SPECC1L: variants seen among roughly 807,000 people sequenced by gnomAD.
SPECC1L encodes cytospin-A.
SPECC1L carries 40 observed loss-of-function variants against 116.8 expected under a neutral mutation model. That is an observed-to-expected ratio of 0.34 (90% confidence interval 0.27 to 0.45). The LOEUF (loss-of-function observed/expected upper bound fraction) is 0.45. SPECC1L is among the 20% of genes least tolerant of loss of function. The pLI is 1.00. For synonymous variants in SPECC1L, 504 were observed against 500.6 expected, an observed-to-expected ratio of 1.01 and a Z score of -0.09; for missense variants, 1,110 against 1,373.6, an observed-to-expected ratio of 0.81 and a Z score of 3.03.
intron 14 of SPECC1L, among the ~76,000 whole-genome samples, chr22:24,390,906 A>G (rs530100574): frequency 9.9e-4 from 48 of 48,728 alleles, no homozygotes; most frequent in African/African-American, 3.8e-3. Context: ...TTTGAGTCAG[A>G]GTCTCACTCT....
chr22:24,349,683 G>A (rs1177606090), intron 11 of SPECC1L, among the ~76,000 whole-genome samples: 1 of 152,112 alleles, frequency 6.6e-6, no homozygotes, highest in Non-Finnish European at 1.5e-5. Flanking sequence ...AAACCTTGGA[G>A]TCATCCTTAA....
intron 14 of SPECC1L, among the ~76,000 whole-genome samples, chr22:24,404,943 G>A (rs2042556796): frequency 6.6e-6 from 1 of 152,142 alleles, no homozygotes; most frequent in Admixed American, 6.5e-5. Context: ...CAGATTTTAG[G>A]GTGTCACTGT....
At chr22:24,271,232 G>A (rs1714817572) in intron 1 of SPECC1L, among the ~76,000 whole-genome samples, 1 of 152,260 alleles carries the variant, frequency 6.6e-6, no homozygotes, top group Non-Finnish European at 1.5e-5. Flanking sequence ...ACTGGCCTTC[G>A]TCCGTTGGTG....
intron 2 of SPECC1L, among the ~76,000 whole-genome samples, chr22:24,293,074 A>C (rs2049186569): frequency 6.6e-6 from 1 of 152,064 alleles, no homozygotes; most frequent in Non-Finnish European, 1.5e-5. Context: ...ATAGAGAAAA[A>C]AAATTAAGAA....
rs544299526 is a variant in SPECC1L at position 24,334,699 on chromosome 22, A to G, written c.2560+126A>G. On this transcript the variant is annotated intron_variant, in intron 9 of 16. Transcript: ENST00000314328. ...TCCCATTAACTTTCATATAGTATTA[A>G]TGCACTAGACTTAACAGAAGGTGAT... 3 of 1,022,388 alleles carry G rather than the reference A, an allele frequency of 2.9e-6. No individual in the cohort carries two copies. In the African/African-American group the frequency reaches 4.7e-5, roughly 16 times the overall value. The allele number at this position is 1,022,388 out of a possible 1,614,324, so 63.3% of individuals were successfully genotyped here.
intron 1 of SPECC1L, among the ~76,000 whole-genome samples, 192 bp from the exon 2 acceptor site, chr22:24,276,508 C>T (rs1405585288): frequency 6.6e-6 from 1 of 152,180 alleles, no homozygotes; most frequent in Non-Finnish European, 1.5e-5. Flanking sequence ...TGGTGCGCAC[C>T]TGTAGTGCCA....
chr22:24,295,562 T>G (rs5760318), intron 2 of SPECC1L, among the ~76,000 whole-genome samples: 78 of 152,132 alleles, frequency 5.1e-4, no homozygotes, highest in African/African-American at 6.8e-4. Flanking sequence ...TAATACATAT[T>G]GATCTAGACC....
At chr22:24,304,900 G>A (rs192299353) in intron 3 of SPECC1L, among the ~76,000 whole-genome samples, 29 of 152,314 alleles carry the variant, frequency 1.9e-4, no homozygotes, top group Non-Finnish European at 3.1e-4. Context: ...CCTGGTTGTA[G>A]TATTTCATTA....
At position 24,372,803 on chromosome 22, in the gene SPECC1L, A is replaced by G. The variant is rs62233970; in HGVS notation, c.3087+3483A>G. Among the ~76,000 whole-genome samples the G allele has an allele frequency of 7.7e-3, 1,176 of 152,082 alleles. 8 individuals carry two copies. The highest frequency in any genetic ancestry group is 0.024 in the South Asian group (114 of 4,820). On this transcript the variant is annotated intron_variant, in intron 14 of 16. Transcript: ENST00000314328. ...AGTCAGGCAGGAGAAAGAAATAAAG[A>G]GTATTCAGTTAGGAAAAGAGGAAGT...
chr22:24,344,221 C>T (rs2041241554), intron 10 of SPECC1L, among the ~76,000 whole-genome samples: 1 of 151,716 alleles, frequency 6.6e-6, no homozygotes, highest in African/African-American at 2.4e-5. Flanking sequence ...TATAAAAGCA[C>T]ACATTAACAA....
Position 24,417,629 on chromosome 22 carries a change from T to C in SPECC1L, c.*3006T>C, listed in dbSNP as rs995081733. ...GGGAGTGTGTCTCGAGGGGTTTTGT[T>C]TGTTTTGAGGCATGTATCATCTTGG... On this transcript the variant is annotated 3_prime_UTR_variant, in exon 17 of 17. Transcript: ENST00000314328. The C allele has an allele frequency of 6.6e-6, 1 of 152,192 alleles. No homozygotes were observed. Among genetic ancestry groups the C allele is most frequent in the African/African-American group, 2.4e-5 (1 of 41,436 alleles). The allele number at this position is 152,192 out of a possible 1,614,324, so 9.4% of individuals were successfully genotyped here.
intron 14 of SPECC1L, among the ~76,000 whole-genome samples, chr22:24,398,271 G>A (rs2042404797): frequency 6.6e-6 from 1 of 152,200 alleles, no homozygotes; most frequent in South Asian, 2.1e-4. Flanking sequence ...GCTTCAGCTG[G>A]AGGGCCTTAC....
intron 2 of SPECC1L, among the ~76,000 whole-genome samples, chr22:24,287,584 A>C (rs1217121982): frequency 1.3e-5 from 2 of 152,272 alleles, no homozygotes; most frequent in African/African-American, 4.8e-5. Flanking sequence ...TTAGCACACC[A>C]AGGCCCCCTA....
In SPECC1L at chr22:24,355,426, C is replaced by CCTGT. The variant is rs143848080; in HGVS notation, c.2744-7820_2744-7817dup. Among the ~76,000 whole-genome samples the CCTGT allele has an allele frequency of 7.7e-3, 1,176 of 151,830 alleles. 7 individuals carry two copies. Among genetic ancestry groups the CCTGT allele is most frequent in the South Asian group, 0.013 (60 of 4,790 alleles). ...GTACCAACTCATGTGTATACACTAT[C>CCTGT]CTGTCTGTCTGTCTGTCTACCTACC... is the stretch of plus-strand genomic sequence containing the variant. On this transcript the variant is annotated intron_variant, in intron 11 of 16. Transcript: ENST00000314328.
intron 4 of SPECC1L, among the ~76,000 whole-genome samples, chr22:24,316,714 A>G (rs556444320): frequency 7.3e-5 from 11 of 149,760 alleles, no homozygotes; most frequent in East Asian, 4.0e-4. Context: ...CGATTTCTCA[A>G]TCTTTTCCCC....
rs112714969 is a variant in SPECC1L, at chr22:24,300,663, A to G, written c.-37-1532A>G. Among the ~76,000 whole-genome samples, 15 of 152,284 alleles carry G rather than the reference A, an allele frequency of 9.9e-5. No individual in the cohort carries two copies. In the East Asian group the frequency reaches 1.5e-3, roughly 16 times the overall value. ...GTTTCTTGACTTTTTAATCATTGCAATTCTGACTGGCATGAGATGTTATCT... is the reference window on the plus strand; with the variant it reads ...GTTTCTTGACTTTTTAATCATTGCAGTTCTGACTGGCATGAGATGTTATCT... On this transcript the variant is annotated intron_variant, in intron 2 of 16. Transcript: ENST00000314328.
chr22:24,333,583 T>C (rs2040983763), intron 8 of SPECC1L, among the ~76,000 whole-genome samples: 1 of 151,712 alleles, frequency 6.6e-6, no homozygotes, highest in Admixed American at 6.6e-5. Flanking sequence ...CTTTGTAGAA[T>C]TCTATTTGAA....
intron 14 of SPECC1L, among the ~76,000 whole-genome samples, chr22:24,396,048 G>T (rs1029939109): frequency 6.6e-6 from 1 of 152,228 alleles, no homozygotes; most frequent in Non-Finnish European, 1.5e-5. Context: ...TTGGCCTTGG[G>T]TGTCAAGTGA....
intron 10 of SPECC1L, among the ~76,000 whole-genome samples, chr22:24,345,452 A>T (rs2041272720): frequency 6.6e-6 from 1 of 152,230 alleles, no homozygotes; most frequent in African/African-American, 2.4e-5. Flanking sequence ...TTGATAAATT[A>T]GGCAACTTAA....
Sources: allele counts gnomAD v4.1 joint callset (sites outside exome capture counted in the v4.1 genomes callset), GRCh38; gene constraint gnomAD v4.1.1; transcripts MANE v1.5; gene names NCBI Gene and HGNC (gene_info 2026-07-23, HGNC 2026-07-21).